GTF2IRD1: variants seen among roughly 807,000 people sequenced by gnomAD.
The protein encoded by GTF2IRD1 is GTF2I repeat domain containing 1.
A neutral mutation model predicts 113.2 loss-of-function variants in GTF2IRD1; 26 were observed. The ratio of observed to expected loss-of-function variants is 0.23; its 90% confidence interval spans 0.17 to 0.32. The LOEUF (loss-of-function observed/expected upper bound fraction) is 0.32, where lower values mean the gene tolerates loss of function less well. Among genes scored for constraint, GTF2IRD1 ranks in the 10% least tolerant of loss-of-function variants. The pLI is 1.00. For synonymous variants in GTF2IRD1, 484 were observed against 529.1 expected (o/e 0.91, Z 1.17); for missense variants, 864 against 1,280.8 (o/e 0.67, Z 4.97).
chr7:74,592,597 C>T (rs587724267), intron 24 of GTF2IRD1, among the ~76,000 whole-genome samples: 15 of 148,860 alleles, frequency 1.0e-4, no homozygotes, highest in African/African-American at 3.0e-4. Context: ...TGCAATGGCA[C>T]GATCTCAGCT....
At chr7:74,579,612 C>T (rs1554365564) in intron 22 of GTF2IRD1, among the ~76,000 whole-genome samples, 1 of 115,818 alleles carries the variant, frequency 8.6e-6, no homozygotes, top group African/African-American at 3.1e-5. Flanking sequence ...AGCAAGACTC[C>T]ATCTTAAGAA....
chr7:74,537,595 AC>A (rs1441716956), intron 11 of GTF2IRD1, among the ~76,000 whole-genome samples: 5 of 150,914 alleles, frequency 3.3e-5, no homozygotes, highest in Admixed American at 1.3e-4. Flanking sequence ...ATCCACCAAC[AC>A]CCCCCAAGCA....
intron 22 of GTF2IRD1, among the ~76,000 whole-genome samples, chr7:74,564,074 T>G (rs1800142764): frequency 6.6e-6 from 1 of 151,890 alleles, no homozygotes; most frequent in East Asian, 1.9e-4. Context: ...TTGCCCAGGC[T>G]GGAGTGCAAT....
At chr7:74,497,120 C>A (rs1187657155) in intron 1 of GTF2IRD1, among the ~76,000 whole-genome samples, 1 of 151,934 alleles carries the variant, frequency 6.6e-6, no homozygotes, top group African/African-American at 2.4e-5. Flanking sequence ...TATGATCACA[C>A]CACTGCAATC....
At chr7:74,504,223 C>A (rs74559348) in intron 1 of GTF2IRD1, among the ~76,000 whole-genome samples, 1 of 144,780 alleles carries the variant, frequency 6.9e-6, no homozygotes, top group African/African-American at 2.6e-5. Context: ...TGAACAGATG[C>A]GTCTCTCACC....
At chr7:74,597,069 G>A (rs1294598788) in intron 25 of GTF2IRD1, among the ~76,000 whole-genome samples, 58 of 151,388 alleles carry the variant, frequency 3.8e-4, no homozygotes, top group African/African-American at 6.3e-4. Context: ...CCGAGACAGC[G>A]TCTCACTCTG....
At chr7:74,586,528 T>C (rs1554367871) in intron 22 of GTF2IRD1, among the ~76,000 whole-genome samples, 1 of 152,178 alleles carries the variant, frequency 6.6e-6, no homozygotes. Context: ...CTCAGAGATG[T>C]GCAGAGATTG....
At chr7:74,569,909 G>C (rs1800587888) in intron 22 of GTF2IRD1, among the ~76,000 whole-genome samples, 1 of 152,164 alleles carries the variant, frequency 6.6e-6, no homozygotes, top group African/African-American at 2.4e-5. Flanking sequence ...GTGGCAGGCA[G>C]GCTGGGGGCC....
chr7:74,517,738 C>T (rs1393181893), intron 4 of GTF2IRD1, among the ~76,000 whole-genome samples: 2 of 152,170 alleles, frequency 1.3e-5, no homozygotes, highest in Non-Finnish European at 2.9e-5. Context: ...TTTTTCCTTG[C>T]AGCCTGGCTC....
At chr7:74,522,866 A>G (rs1247798781) in intron 7 of GTF2IRD1, among the ~76,000 whole-genome samples, 4 of 152,226 alleles carry the variant, frequency 2.6e-5, no homozygotes, top group African/African-American at 9.6e-5. Context: ...CTTAGCACAG[A>G]TAAGCACTTA....
intron 22 of GTF2IRD1, among the ~76,000 whole-genome samples, chr7:74,589,101 AT>A (rs1403766203): frequency 2.0e-5 from 3 of 152,286 alleles, no homozygotes; most frequent in Non-Finnish European, 1.5e-5. Context: ...CACATCTGTA[AT>A]TCCTGAACTT....
At chr7:74,527,439 A>G (rs1441845637) in intron 8 of GTF2IRD1, among the ~76,000 whole-genome samples, 2 of 152,204 alleles carry the variant, frequency 1.3e-5, no homozygotes, top group Non-Finnish European at 2.9e-5. Flanking sequence ...GCAGTGAGCA[A>G]TGATTATGCC....
At chr7:74,529,313 G>A (rs1429235931) in intron 8 of GTF2IRD1, among the ~76,000 whole-genome samples, 1 of 152,092 alleles carries the variant, frequency 6.6e-6, no homozygotes, top group East Asian at 1.9e-4. Context: ...GAGTGCAGTG[G>A]CATGATCTTG....
intron 1 of GTF2IRD1, among the ~76,000 whole-genome samples, chr7:74,497,066 G>T (rs149908350): frequency 0.01 from 1,536 of 152,232 alleles, 18 homozygotes; most frequent in African/African-American, 0.034. Flanking sequence ...GAAGGCTGAG[G>T]TGGGAAGATG....
intron 22 of GTF2IRD1, among the ~76,000 whole-genome samples, chr7:74,581,019 T>TC (rs1554365968): frequency 1.3e-5 from 2 of 151,990 alleles, no homozygotes; most frequent in African/African-American, 4.8e-5. Flanking sequence ...AACCCCCTTT[T>TC]CTGGGGGGGG....
At position 74,557,628 on chromosome 7, in the gene GTF2IRD1, G is replaced by A. The variant is rs1312239805; in HGVS notation, c.2024-11G>A. On this transcript the variant is annotated splice_polypyrimidine_tract_variant and intron_variant, in intron 19 of 26. Transcript: ENST00000424337. ...AACAGCCCAAACCCATAATCGTTTT[G>A]CGCTTTGCAGAAAATTATGACGCGA... The A allele has an allele frequency of 6.2e-7, 1 of 1,606,814 alleles. No homozygotes were observed. The highest frequency in any genetic ancestry group is 8.5e-7 in the Non-Finnish European group (1 of 1,173,640).
chr7:74,535,042 G>A (rs118165959), intron 9 of GTF2IRD1, 71 bp from the exon 10 acceptor site: 13,773 of 1,265,152 alleles, frequency 0.011, 113 homozygotes, highest in Non-Finnish European at 0.015. Context: ...GGGACTGGAG[G>A]CATCTCCCCG....
intron 1 of GTF2IRD1, among the ~76,000 whole-genome samples, chr7:74,490,381 C>T (rs1344802800): frequency 1.3e-5 from 2 of 152,002 alleles, no homozygotes; most frequent in Admixed American, 6.6e-5. Flanking sequence ...GAATGGAAGG[C>T]CAGGGCTGTG....
At chr7:74,598,474 G>A (rs1415523366) in intron 25 of GTF2IRD1, among the ~76,000 whole-genome samples, 1 of 151,984 alleles carries the variant, frequency 6.6e-6, no homozygotes, top group East Asian at 1.9e-4. Flanking sequence ...AAATTAGCCG[G>A]GGGTGGTGGT....
Sources: allele counts gnomAD v4.1 joint callset (sites outside exome capture counted in the v4.1 genomes callset), GRCh38; gene constraint gnomAD v4.1.1; transcripts MANE v1.5; gene names NCBI Gene and HGNC (gene_info 2026-07-23, HGNC 2026-07-21).